The following EMCN variants were observed in gnomAD, a reference collection of about 807,000 sequenced individuals.
EMCN encodes the protein MUC-14.
In EMCN, 37 loss-of-function variants were observed where a neutral mutation model predicts 38.4. The observed-to-expected ratio is 0.96, with a 90% CI of 0.74 to 1.27. The LOEUF (loss-of-function observed/expected upper bound fraction) is 1.27. Ranked by LOEUF, EMCN falls within the 50% of genes most tolerant of loss-of-function variation. EMCN has a pLI of 0.00. For missense variants in EMCN, 318 were observed against 302.8 expected (o/e 1.05, Z -0.37); for synonymous variants, 95 against 100.8 (o/e 0.94, Z 0.35).
At chr4:100,443,449 T>C (rs1727579652) in intron 5 of EMCN, among the ~76,000 whole-genome samples, 1 of 152,238 alleles carries the variant, frequency 6.6e-6, no homozygotes, top group Non-Finnish European at 1.5e-5. Flanking sequence ...ATGTCAGCAA[T>C]GAATGTAGGT....
At chr4:100,420,966 T>C (rs1222260897) in intron 8 of EMCN, among the ~76,000 whole-genome samples, 1 of 151,978 alleles carries the variant, frequency 6.6e-6, no homozygotes, top group African/African-American at 2.4e-5. Flanking sequence ...GAGTTAATCT[T>C]TACCATAGAC....
At chr4:100,427,298 A>C (rs538032109) in intron 5 of EMCN, among the ~76,000 whole-genome samples, 33 of 151,790 alleles carry the variant, frequency 2.2e-4, no homozygotes, top group African/African-American at 8.0e-4. Context: ...TGAGAACAGG[A>C]TCTTGCTCTG....
chr4:100,455,111 C>A (rs946236164), intron 4 of EMCN, among the ~76,000 whole-genome samples: 2 of 151,700 alleles, frequency 1.3e-5, no homozygotes, highest in African/African-American at 4.8e-5. Context: ...TTCTCTGTTT[C>A]TTTTTTTCTT....
At chr4:100,478,465 A>T (rs941734831) in intron 2 of EMCN, among the ~76,000 whole-genome samples, 5 of 152,158 alleles carry the variant, frequency 3.3e-5, no homozygotes, top group Non-Finnish European at 5.9e-5. Context: ...ATTTTTTGAG[A>T]TGCATATTTA....
rs566871917 is a variant in EMCN at position 100,431,961 on chromosome 4, G to A, written c.416-8557C>T. ...AGGCACAATGGTCCATTTTGCTCAG[G>A]GCTGAGATCTCTTATCAATGAAATC... On this transcript the variant is annotated intron_variant, in intron 5 of 11. Coordinates refer to ENST00000296420, the MANE Select transcript of EMCN (RefSeq NM_016242.4). Among the ~76,000 whole-genome samples the A allele has an allele frequency of 5.3e-5, 8 of 152,102 alleles. 1 individual carries two copies. Among genetic ancestry groups the A allele is most frequent in the African/African-American group, 1.9e-4 (8 of 41,488 alleles).
intron 4 of EMCN, among the ~76,000 whole-genome samples, chr4:100,451,498 G>T (rs907314139): frequency 2.6e-5 from 4 of 151,782 alleles, no homozygotes; most frequent in African/African-American, 9.7e-5. Flanking sequence ...AGAATTGCAG[G>T]TTTAAATTTA....
intron 4 of EMCN, among the ~76,000 whole-genome samples, chr4:100,453,327 A>G (rs1203395495): frequency 3.9e-5 from 6 of 152,100 alleles, no homozygotes; most frequent in African/African-American, 1.4e-4. Context: ...ATTTACAAGA[A>G]AAAAACAAAC....
chr4:100,475,061 G>T lies in EMCN; in HGVS notation c.236C>A (p.Thr79Asn). ...ACCTTCATCTTTACTTGTTAAAAAA[G>T]TAGCTGTTGACATCAGAGACATTTT... is the stretch of plus-strand genomic sequence containing the variant. ...LLKMSLMSTA[T>N]FLTSKDEGLK... The change falls in exon 3 of 12, where the codon ACT becomes AAT. Residue 79 changes from threonine (T) to asparagine (N), a missense_variant. Transcript: ENST00000296420. The T allele has an allele frequency of 6.5e-7, 1 of 1,537,160 alleles. No individual in the cohort carries two copies. The highest frequency in any genetic ancestry group is 1.4e-5 in the African/African-American group (1 of 73,308).
At position 100,508,232 on chromosome 4, in the gene EMCN, A is replaced by C. The variant is rs12646112; in HGVS notation, c.64+9619T>G. The stretch of plus-strand genomic sequence containing the variant: ...TGCCTGCCTCAGTCACACAGCAAGC[A>C]TGTGGCCCCTGGTAACTAACCCAAG... On this transcript the variant is annotated intron_variant, in intron 1 of 11. Coordinates refer to ENST00000296420, the MANE Select transcript of EMCN (RefSeq NM_016242.4). Among the ~76,000 whole-genome samples, 135 of 152,320 alleles carry C rather than the reference A, an allele frequency of 8.9e-4. No homozygotes were observed. In the East Asian group the frequency reaches 0.018, roughly 20 times the overall value.
At chr4:100,432,938 A>G (rs528979296) in intron 5 of EMCN, among the ~76,000 whole-genome samples, 1 of 152,216 alleles carries the variant, frequency 6.6e-6, no homozygotes, top group Non-Finnish European at 1.5e-5. Flanking sequence ...AAATGAACAT[A>G]TCAATCATCT....
Position 100,415,962 on chromosome 4 carries a change from A to T in EMCN, c.690-3T>A, listed in dbSNP as rs1324648180. ...CGCTCTCTTTATCAGACTGAGGTCT[A>T]TTTGAAAAAAAAAACATGAAATTAA... is the stretch of plus-strand genomic sequence containing the variant. On this transcript the variant is annotated splice_polypyrimidine_tract_variant and splice_region_variant and intron_variant, in intron 9 of 11. Coordinates refer to ENST00000296420, the MANE Select transcript of EMCN (RefSeq NM_016242.4). 9 of 1,574,116 alleles carry T rather than the reference A, an allele frequency of 5.7e-6. No individual in the cohort carries two copies. Among genetic ancestry groups the T allele is most frequent in the African/African-American group, 2.8e-5 (2 of 72,590 alleles).
intron 1 of EMCN, among the ~76,000 whole-genome samples, chr4:100,494,853 C>G (rs373102980): frequency 1.3e-5 from 2 of 151,834 alleles, no homozygotes; most frequent in Admixed American, 6.6e-5. Context: ...ATGAAGCATC[C>G]AAAGGACTTT....
chr4:100,477,705 G>GT (rs1395221357), intron 2 of EMCN, among the ~76,000 whole-genome samples: 23 of 152,210 alleles, frequency 1.5e-4, no homozygotes, highest in Admixed American at 1.5e-3. Context: ...TCCATGTTGT[G>GT]TTTTTTTGGT....
chr4:100,421,333 A>T lies in EMCN; in HGVS notation c.613T>A (p.Ser205Thr). 2 of 1,612,936 alleles carry T rather than the reference A, an allele frequency of 1.2e-6. No homozygotes were observed. Among genetic ancestry groups the T allele is most frequent in the Non-Finnish European group, 1.7e-6 (2 of 1,179,162 alleles). The change falls in exon 8 of 12, where the codon TCA becomes ACA. Residue 205 changes from serine (S) to threonine (T), a missense_variant. Transcript: ENST00000296420. ...VVIALIVITL[S>T]VFVLVGLYRM... ...TACAAACCCACCAGAACAAATACTG[A>T]AAGTGTTATTACAATCAAAGCAATA... is the stretch of plus-strand genomic sequence containing the variant.
At position 100,397,101 on chromosome 4, in the gene EMCN, T is replaced by C. The variant is rs1726140447; in HGVS notation, c.*1312A>G. On this transcript the variant is annotated 3_prime_UTR_variant, in exon 12 of 12. Transcript: ENST00000296420. ...CTCCTAAAGATGGAAGTTGTCAAAA[T>C]ACATCACCACAAAACAAATTTTAAA... 6.6e-6 allele frequency: 1 copy of C among 152,116 alleles called. No homozygotes were observed. The highest frequency in any genetic ancestry group is 1.5e-5 in the Non-Finnish European group (1 of 68,016). 9.4% of individuals were successfully genotyped at this position (152,116 alleles called of 1,614,324 possible).
At chr4:100,404,530 G>A (rs1261569680) in intron 11 of EMCN, among the ~76,000 whole-genome samples, 1 of 151,702 alleles carries the variant, frequency 6.6e-6, no homozygotes, top group Admixed American at 6.6e-5. Context: ...TAGGTGTGTG[G>A]CATTATTTCA....
At chr4:100,448,826 C>CCTTCTTTCCTTCCTTCCTT (rs1179151604) in intron 4 of EMCN, among the ~76,000 whole-genome samples, 1 of 139,246 alleles carries the variant, frequency 7.2e-6, no homozygotes, top group African/African-American at 2.8e-5. Context: ...CTTCCTTCCT[C>CCTTCTTTCCTTCCTTCCTT]CCTCCCTCCC....
intron 5 of EMCN, among the ~76,000 whole-genome samples, chr4:100,438,630 G>C (rs1727421859): frequency 6.6e-6 from 1 of 151,998 alleles, no homozygotes; most frequent in Non-Finnish European, 1.5e-5. Context: ...TTGAACAGAA[G>C]TGACAAGAGT....
intron 5 of EMCN, among the ~76,000 whole-genome samples, chr4:100,436,745 G>A (rs970192954): frequency 1.2e-4 from 18 of 152,120 alleles, no homozygotes; most frequent in Non-Finnish European, 7.4e-5. Context: ...ATTATCCTCA[G>A]CAAACGAATG....
Sources: allele counts gnomAD v4.1 joint callset (sites outside exome capture counted in the v4.1 genomes callset), GRCh38; gene constraint gnomAD v4.1.1; transcripts MANE v1.5; gene names NCBI Gene and HGNC (gene_info 2026-07-23, HGNC 2026-07-21).